The following RASSF5 variants were observed in gnomAD, a reference collection of about 807,000 sequenced individuals.
The protein encoded by RASSF5 is Ras association domain family member 5.
Under a neutral mutation model 40.5 loss-of-function variants are expected in RASSF5, and 25 were observed. The observed-to-expected ratio is 0.62, with a 90% CI of 0.45 to 0.86. The LOEUF is 0.86. RASSF5 is among the 40% of genes least tolerant of loss of function. The pLI is 0.00. For synonymous variants in RASSF5, 246 were observed against 252.4 expected (o/e 0.97, Z 0.24); for missense variants, 521 against 572.8 (o/e 0.91, Z 0.92).
At chr1:206,586,732 G>T in intron 5 of RASSF5, 94 bp from the exon 6 acceptor site, 2 of 940,346 alleles carry the variant, frequency 2.1e-6, no homozygotes, top group Non-Finnish European at 3.3e-6. Flanking sequence ...ATGTGAACTG[G>T]GAAGGGGAAG....
At position 206,513,198 on chromosome 1, in the gene RASSF5, G is replaced by T. The variant is rs545318593; in HGVS notation, c.457+5139G>T. Among the ~76,000 whole-genome samples the T allele has an allele frequency of 6.6e-6, 1 of 152,336 alleles. No homozygotes were observed. The highest frequency in any genetic ancestry group is 1.9e-4 in the East Asian group (1 of 5,192). ...CTGCACCCCAGTGTTCTCCCACAGG[G>T]TTCTCTCTGGCTCCCACACCCACCC... is the stretch of plus-strand genomic sequence containing the variant. On this transcript the variant is annotated intron_variant, in intron 1 of 5. Coordinates refer to ENST00000579436, the MANE Select transcript of RASSF5 (RefSeq NM_182663.4). This position sits in a 1 kb window ranked among gnomAD's most constrained non-coding sequence, Gnocchi z 5.0.
Position 206,557,519 on chromosome 1 carries a change from C to T in RASSF5, c.579+19226C>T, listed in dbSNP as rs180687663. 6.1e-5 allele frequency: 98 copies of T among 1,608,220 alleles called. 2 individuals are homozygous for T. In the African/African-American group the frequency reaches 1.2e-3, roughly 19 times the overall value. ...GGGTGCCCACCTCCCTCCGCCGCAT[C>T]CCAAGCCCGGCCCCCTTGATGCGCT... On this transcript the variant is annotated intron_variant, in intron 2 of 5. Transcript: ENST00000579436.
At chr1:206,572,461 G>A (rs1553404375) in intron 2 of RASSF5, 1 of 152,212 alleles carries the variant, frequency 6.6e-6, no homozygotes, top group Non-Finnish European at 1.5e-5. Flanking sequence ...AGAGAGGAAG[G>A]GAGTCTGTCC....
chr1:206,582,146 G>A (rs555447441), intron 2 of RASSF5, among the ~76,000 whole-genome samples: 3 of 152,270 alleles, frequency 2.0e-5, no homozygotes, highest in South Asian at 2.1e-4. Context: ...AGATAAAACC[G>A]GGAGGTGGGT....
chr1:206,518,482 G>A (rs1572292516), intron 1 of RASSF5: 2 of 398,572 alleles, frequency 5.0e-6, no homozygotes, highest in Admixed American at 4.4e-5. Flanking sequence ...CCGAAGAGCC[G>A]CTCGGTCTCC....
chr1:206,558,678 T>G (rs1355084929), intron 2 of RASSF5, among the ~76,000 whole-genome samples: 1 of 152,214 alleles, frequency 6.6e-6, no homozygotes, highest in African/African-American at 2.4e-5. Flanking sequence ...TCCTGGATTC[T>G]GAAGTCAGGC....
intron 1 of RASSF5, among the ~76,000 whole-genome samples, chr1:206,524,100 A>C (rs1375481591): frequency 2.4e-5 from 3 of 123,524 alleles, no homozygotes; most frequent in Non-Finnish European, 4.9e-5. Flanking sequence ...TGTATACCAT[A>C]TATAATATAT....
chr1:206,517,331 TG>T (rs1448692490), intron 1 of RASSF5, among the ~76,000 whole-genome samples: 5 of 151,962 alleles, frequency 3.3e-5, no homozygotes, highest in African/African-American at 1.2e-4. Flanking sequence ...AAAAATTAGC[TG>T]GGTGTGGTGG....
chr1:206,507,670 G>T lies in RASSF5; in HGVS notation c.68G>T (p.Arg23Leu), dbSNP rs781866355. 3.3e-6 allele frequency: 5 copies of T among 1,525,650 alleles called. No individual in the cohort carries two copies. The highest frequency in any genetic ancestry group is 1.8e-4 in the Middle Eastern group (1 of 5,508). The allele number at this position is 1,525,650 out of a possible 1,614,324, so 94.5% of individuals were successfully genotyped here. Residue 23 changes from arginine (R) to leucine (L), a missense_variant, in exon 1 of 6, where the codon CGC becomes CTC. This residue lies in a region of RASSF5 where 237 missense variants were observed against 212.0 expected (regional missense o/e 1.12). Transcript: ENST00000579436. ...CTACTATTGGACCCCGAGCCGCCGCGCTATCTACAGAGCCTGAGCGGCCCC... is the reference window on the plus strand; with the variant it reads ...CTACTATTGGACCCCGAGCCGCCGCTCTATCTACAGAGCCTGAGCGGCCCC... ...YPLLLDPEPP[R>L]YLQSLSGPEL...
At chr1:206,578,936 C>A (rs1231013920) in intron 2 of RASSF5, among the ~76,000 whole-genome samples, 1 of 152,128 alleles carries the variant, frequency 6.6e-6, no homozygotes, top group Admixed American at 6.5e-5. Flanking sequence ...CAGCTTAGGG[C>A]AAATCTGCCC....
intron 2 of RASSF5, among the ~76,000 whole-genome samples, chr1:206,568,564 C>T (rs1279878289): frequency 6.6e-6 from 1 of 152,160 alleles, no homozygotes; most frequent in East Asian, 1.9e-4. Flanking sequence ...CACACACCAC[C>T]TCTGAATGAT....
At chr1:206,515,771 T>C (rs1165194813) in intron 1 of RASSF5, among the ~76,000 whole-genome samples, 1 of 152,246 alleles carries the variant, frequency 6.6e-6, no homozygotes, top group African/African-American at 2.4e-5. Context: ...TTACTTTTCT[T>C]GCTGATTTGC....
chr1:206,585,433 G>A, intron 5 of RASSF5, 138 bp downstream of exon 5: 1 of 674,848 alleles, frequency 1.5e-6, no homozygotes, highest in Non-Finnish European at 2.7e-6. Flanking sequence ...AGTGAGCAGG[G>A]GTGGGTGATG....
chr1:206,524,650 A>G (rs1482341458), intron 1 of RASSF5, among the ~76,000 whole-genome samples: 28 of 133,564 alleles, frequency 2.1e-4, no homozygotes, highest in African/African-American at 3.6e-4. Context: ...TATATATTAT[A>G]TATTATGTAT....
In RASSF5 at chr1:206,584,422, G is replaced by A. The variant is rs1033081644; in HGVS notation, c.726G>A (p.Val242=). 4.0e-5 allele frequency: 64 copies of A among 1,613,966 alleles called. No homozygotes were observed. Among genetic ancestry groups the A allele is most frequent in the Non-Finnish European group, 4.9e-5 (58 of 1,179,972 alleles). Residue 242 remains valine, a synonymous_variant, in exon 4 of 6, where the codon GTG becomes GTA. Coordinates refer to ENST00000579436, the MANE Select transcript of RASSF5 (RefSeq NM_182663.4). The surrounding 1 kb of genome is among the most constrained non-coding windows in gnomAD (Gnocchi z 4.9). ...GCACCTACACGGGTTTCATCAAAGT[G>A]CATCTGAAACTCCGGCGGCCTGTGA... ...EDGTYTGFIK[V]HLKLRRPVTV...
At chr1:206,547,712 A>G (rs1452946870) in intron 2 of RASSF5, among the ~76,000 whole-genome samples, 3 of 152,124 alleles carry the variant, frequency 2.0e-5, no homozygotes, top group African/African-American at 7.2e-5. Flanking sequence ...CTTCCACAAA[A>G]CCAGTCCCTG....
chr1:206,573,059 TG>T (rs1426544943), intron 2 of RASSF5, among the ~76,000 whole-genome samples: 1 of 152,254 alleles, frequency 6.6e-6, no homozygotes. Context: ...ATTTGGATGA[TG>T]ACGCACTAGC....
At chr1:206,565,657 A>T (rs1414430870) in intron 2 of RASSF5, among the ~76,000 whole-genome samples, 1 of 152,204 alleles carries the variant, frequency 6.6e-6, no homozygotes, top group East Asian at 1.9e-4. Flanking sequence ...ATCCTAGTGG[A>T]AGATGCTCTC....
At chr1:206,585,338 CTGGGTGGGTG>C (rs782378173) in intron 5 of RASSF5, 43 bp downstream of exon 5, 1 of 1,482,158 alleles carries the variant, frequency 6.7e-7, no homozygotes, top group African/African-American at 1.4e-5. Context: ...TTAGGGCACC[CTGGGTGGGTG>C]CAGGTGGGTG....
Sources: allele counts gnomAD v4.1 joint callset (sites outside exome capture counted in the v4.1 genomes callset), GRCh38; gene constraint gnomAD v4.1.1; regional missense constraint gnomAD v4.1.1; non-coding constraint Gnocchi (gnomAD v3.1); transcripts MANE v1.5; gene names NCBI Gene and HGNC (gene_info 2026-07-23, HGNC 2026-07-21).